ADCY2: variants seen among roughly 807,000 people sequenced by gnomAD.
The protein encoded by ADCY2 is adenylate cyclase 2, also known as adenylate cyclase type 2.
ADCY2 carries 31 observed loss-of-function variants against 125.2 expected under a neutral mutation model. The ratio of observed to expected loss-of-function variants is 0.25; its 90% confidence interval spans 0.19 to 0.33. The LOEUF (loss-of-function observed/expected upper bound fraction) is 0.33. Ranked by LOEUF, ADCY2 falls within the 10% of genes least tolerant of loss-of-function variation. The pLI is 1.00. For missense variants in ADCY2, 904 were observed against 1,418.2 expected, an observed-to-expected ratio of 0.64 and a Z score of 5.82; for synonymous variants, 512 against 548.4, an observed-to-expected ratio of 0.93 and a Z score of 0.93.
intron 3 of ADCY2, among the ~76,000 whole-genome samples, chr5:7,528,518 A>C (rs1734545011): frequency 6.6e-6 from 1 of 152,156 alleles, no homozygotes; most frequent in Admixed American, 6.5e-5. Flanking sequence ...TCATAACATG[A>C]ATTTCTCTTG....
intron 3 of ADCY2, among the ~76,000 whole-genome samples, chr5:7,573,593 CTTTTTTTTTT>C (rs763347773): frequency 2.3e-5 from 2 of 86,376 alleles, no homozygotes; most frequent in African/African-American, 4.4e-5. Flanking sequence ...GGTTGATTTT[CTTTTTTTTTT>C]TTTTTTTTTT....
chr5:7,498,561 A>T lies in ADCY2; in HGVS notation c.409-22177A>T, dbSNP rs1168266232. ...CCGTGCCCGGCCAAGTAAAACTCTT[A>T]TACAATGCTTTTGATAATGTAAATT... On this transcript the variant is annotated intron_variant, in intron 2 of 24. Transcript: ENST00000338316. Among the ~76,000 whole-genome samples, 9 of 152,128 alleles carry T rather than the reference A, an allele frequency of 5.9e-5. 1 individual carries two copies. The highest frequency in any genetic ancestry group is 5.9e-5 in the Non-Finnish European group (4 of 68,032).
chr5:7,807,472 C>T (rs1187606779), intron 22 of ADCY2, among the ~76,000 whole-genome samples: 1 of 152,222 alleles, frequency 6.6e-6, no homozygotes, highest in Non-Finnish European at 1.5e-5. Flanking sequence ...GACGCCCTGT[C>T]TGTGGATGGC....
intron 20 of ADCY2, chr5:7,800,136 CCCTCTGTG>C (rs1200207773): frequency 6.6e-6 from 1 of 152,152 alleles, no homozygotes; most frequent in East Asian, 1.9e-4. Flanking sequence ...GTAATGTAAC[CCCTCTGTG>C]CCTCAGTTTC....
intron 4 of ADCY2, among the ~76,000 whole-genome samples, chr5:7,684,652 G>A (rs569733997): frequency 2.0e-5 from 3 of 152,172 alleles, no homozygotes; most frequent in African/African-American, 7.2e-5. Context: ...CCTTGAACCT[G>A]CAAATCCAGC....
intron 3 of ADCY2, among the ~76,000 whole-genome samples, chr5:7,589,664 T>G (rs534334560): frequency 7.9e-5 from 12 of 152,288 alleles, no homozygotes; most frequent in Admixed American, 2.0e-4. Flanking sequence ...CCCTAAATTC[T>G]GCTCCTGTTT....
chr5:7,536,443 T>TC (rs1734815398), intron 3 of ADCY2, among the ~76,000 whole-genome samples: 2 of 151,894 alleles, frequency 1.3e-5, no homozygotes, highest in African/African-American at 2.4e-5. Flanking sequence ...GTCACTGTCA[T>TC]CCCCCCCACA....
intron 18 of ADCY2, among the ~76,000 whole-genome samples, chr5:7,780,890 C>T (rs1268675592): frequency 1.3e-5 from 2 of 152,202 alleles, no homozygotes; most frequent in African/African-American, 2.4e-5. Flanking sequence ...TTCTTTTGGA[C>T]TCCTGAAACT....
At chr5:7,737,596 T>C (rs1463164558) in intron 14 of ADCY2, among the ~76,000 whole-genome samples, 2 of 152,130 alleles carry the variant, frequency 1.3e-5, no homozygotes, top group South Asian at 2.1e-4. Context: ...CTCTAAGAGA[T>C]GGATAGAAAT....
chr5:7,504,807 C>A (rs1743743268), intron 2 of ADCY2, among the ~76,000 whole-genome samples: 1 of 151,462 alleles, frequency 6.6e-6, no homozygotes, highest in Non-Finnish European at 1.5e-5. Context: ...CCATGCCTGA[C>A]CAAAAATTGC....
At chr5:7,498,501 G>A (rs1197081401) in intron 2 of ADCY2, among the ~76,000 whole-genome samples, 1 of 152,044 alleles carries the variant, frequency 6.6e-6, no homozygotes. Context: ...GCCTGCTTCA[G>A]CCTCCCAAAG....
intron 13 of ADCY2, among the ~76,000 whole-genome samples, chr5:7,726,219 A>C (rs1741925721): frequency 6.6e-6 from 1 of 152,140 alleles, no homozygotes; most frequent in Non-Finnish European, 1.5e-5. Flanking sequence ...ATTTCCTTTA[A>C]TTTTACCATA....
At chr5:7,513,106 C>CACACACACACACACAG (rs777343291) in intron 2 of ADCY2, among the ~76,000 whole-genome samples, 314 of 138,514 alleles carry the variant, frequency 2.3e-3, no homozygotes, top group Middle Eastern at 0.011. Flanking sequence ...CACACACACA[C>CACACACACACACACAG]AGAGAGAGAG....
chr5:7,682,621 C>A (rs547541777), intron 4 of ADCY2, among the ~76,000 whole-genome samples: 13 of 152,284 alleles, frequency 8.5e-5, no homozygotes, highest in African/African-American at 2.6e-4. Flanking sequence ...GGGAAGTGAG[C>A]CCACAGTTTC....
chr5:7,677,554 A>G (rs1478702224), intron 4 of ADCY2, among the ~76,000 whole-genome samples: 1 of 152,166 alleles, frequency 6.6e-6, no homozygotes, highest in African/African-American at 2.4e-5. Flanking sequence ...GAACACCATT[A>G]GGGAAGCCAG....
intron 3 of ADCY2, among the ~76,000 whole-genome samples, chr5:7,527,141 T>C (rs1734499319): frequency 6.6e-6 from 1 of 152,094 alleles, no homozygotes; most frequent in Non-Finnish European, 1.5e-5. Flanking sequence ...CCTCATGTTG[T>C]GGTGGCTGCC....
intron 3 of ADCY2, among the ~76,000 whole-genome samples, chr5:7,543,132 C>T (rs967168962): frequency 3.3e-5 from 5 of 152,072 alleles, no homozygotes; most frequent in African/African-American, 9.7e-5. Context: ...TAAAAATATG[C>T]ATATATATGT....
chr5:7,400,961 A>G (rs185805194), intron 1 of ADCY2, among the ~76,000 whole-genome samples: 1 of 152,244 alleles, frequency 6.6e-6, no homozygotes, highest in South Asian at 2.1e-4. Context: ...AAATATATAC[A>G]TGGCACCTTC....
chr5:7,482,268 G>A (rs1481537169), intron 2 of ADCY2, among the ~76,000 whole-genome samples: 1 of 151,916 alleles, frequency 6.6e-6, no homozygotes, highest in Non-Finnish European at 1.5e-5. Flanking sequence ...AATTCTTATG[G>A]GATTATTATT....
Sources: allele counts gnomAD v4.1 joint callset (sites outside exome capture counted in the v4.1 genomes callset), GRCh38; gene constraint gnomAD v4.1.1; transcripts MANE v1.5; gene names NCBI Gene and HGNC (gene_info 2026-07-23, HGNC 2026-07-21).